The following EVL variants were observed in gnomAD, a reference collection of about 807,000 sequenced individuals.
The protein encoded by EVL is Enah/Vasp-like.
EVL carries 21 observed loss-of-function variants against 59.6 expected under a neutral mutation model. That is an observed-to-expected ratio of 0.35 (90% CI 0.25 to 0.51). The LOEUF is 0.51. Ranked by LOEUF, EVL falls within the 20% of genes least tolerant of loss-of-function variation. EVL has a pLI of 0.97. For synonymous variants in EVL, 198 were observed against 203.5 expected, an observed-to-expected ratio of 0.97 and a Z score of 0.23; for missense variants, 462 against 546.6, an observed-to-expected ratio of 0.85 and a Z score of 1.54.
chr14:100,033,995 G>A (rs2061351160), intron 1 of EVL, among the ~76,000 whole-genome samples: 1 of 152,210 alleles, frequency 6.6e-6, no homozygotes, highest in Admixed American at 6.5e-5. Flanking sequence ...GGAGGCCGAG[G>A]TGGGCGGATC....
chr14:99,976,372 A>G (rs2060770308), intron 1 of EVL, among the ~76,000 whole-genome samples: 1 of 151,950 alleles, frequency 6.6e-6, no homozygotes, highest in Admixed American at 6.6e-5. Context: ...TTTCTGTTTT[A>G]TACTTCCAAG....
chr14:100,071,515 A>G (rs1401084309), intron 1 of EVL, among the ~76,000 whole-genome samples: 2 of 152,220 alleles, frequency 1.3e-5, no homozygotes, highest in Non-Finnish European at 2.9e-5. Context: ...GTCTGCTTGT[A>G]TATTCTTGTG....
At chr14:100,129,743 C>G in intron 7 of EVL, 59 bp downstream of exon 7, 2 of 1,475,724 alleles carry the variant, frequency 1.4e-6, no homozygotes, top group South Asian at 2.8e-5. Flanking sequence ...TGCCCCCGCC[C>G]CCAGCGCTGC....
chr14:100,023,091 C>T (rs2061153247), intron 1 of EVL, among the ~76,000 whole-genome samples: 1 of 152,060 alleles, frequency 6.6e-6, no homozygotes, highest in Non-Finnish European at 1.5e-5. Flanking sequence ...TTACAGCTGC[C>T]TAGGGGATTT....
intron 3 of EVL, 185 bp downstream of exon 3, chr14:100,097,843 G>T (rs918735423): frequency 5.7e-6 from 3 of 529,708 alleles, no homozygotes; most frequent in Non-Finnish European, 9.8e-6. Context: ...GAGGAGGAAA[G>T]AATGGAGTTT....
At chr14:100,040,130 G>T (rs1325184374) in intron 1 of EVL, among the ~76,000 whole-genome samples, 1 of 152,182 alleles carries the variant, frequency 6.6e-6, no homozygotes, top group Non-Finnish European at 1.5e-5. Context: ...TTTGCTTGTG[G>T]CACTTGGACA....
At chr14:99,978,907 C>G (rs1007332835) in intron 1 of EVL, among the ~76,000 whole-genome samples, 1 of 152,198 alleles carries the variant, frequency 6.6e-6, no homozygotes, top group Non-Finnish European at 1.5e-5. Flanking sequence ...GAGCTAAACA[C>G]TCGAGGCACA....
At chr14:100,028,155 G>A (rs1192744423) in intron 1 of EVL, among the ~76,000 whole-genome samples, 1 of 109,426 alleles carries the variant, frequency 9.1e-6, no homozygotes, top group Non-Finnish European at 1.9e-5. Flanking sequence ...TTTTTTTGAG[G>A]AACCTCCAAA....
At chr14:100,067,484 G>A (rs962132307) in intron 1 of EVL, among the ~76,000 whole-genome samples, 3 of 152,238 alleles carry the variant, frequency 2.0e-5, no homozygotes, top group Admixed American at 6.5e-5. Context: ...GTTGTGGGGC[G>A]TTTTTGTTTT....
At chr14:100,103,968 G>A (rs1025221552) in intron 3 of EVL, among the ~76,000 whole-genome samples, 4 of 152,240 alleles carry the variant, frequency 2.6e-5, no homozygotes, top group South Asian at 2.1e-4. Context: ...GCGTGTGAGC[G>A]TGTGTGTGTG....
rs553359990 is a variant in EVL, at chr14:100,009,843, A to G, written c.5+37786A>G. Among the ~76,000 whole-genome samples, 32 of 152,340 alleles carry G rather than the reference A, an allele frequency of 2.1e-4. No homozygotes were observed. The Middle Eastern group carries it at 0.014, about 65-fold the overall frequency. On this transcript the variant is annotated intron_variant, in intron 1 of 13. Coordinates refer to the EVL transcript ENST00000402714. ...TTGGTTTGATTCAGAAGGCAGGACA[A>G]CTCAAAGCAGGGGCTTCCAGGCTGT...
chr14:100,051,092 G>A (rs1219715796), intron 1 of EVL, among the ~76,000 whole-genome samples: 2 of 152,022 alleles, frequency 1.3e-5, no homozygotes, highest in Admixed American at 6.5e-5. Context: ...CCTAATCCAC[G>A]GTTTTGCTTT....
chr14:100,079,555 G>A (rs570894616), intron 1 of EVL, among the ~76,000 whole-genome samples: 1 of 152,308 alleles, frequency 6.6e-6, no homozygotes, highest in South Asian at 2.1e-4. Context: ...GCAGGAGCCA[G>A]CCTCTCTCTG....
chr14:100,095,970 C>T (rs1418469438), intron 2 of EVL, among the ~76,000 whole-genome samples: 3 of 152,184 alleles, frequency 2.0e-5, no homozygotes, highest in Non-Finnish European at 2.9e-5. Flanking sequence ...TCAGGTGATC[C>T]GCCCACCTTG....
chr14:100,131,243 G>GAGGGGAAGCACCTTTCTGTCTGAGAAC (rs1888417994), intron 7 of EVL, among the ~76,000 whole-genome samples: 2 of 152,222 alleles, frequency 1.3e-5, no homozygotes, highest in African/African-American at 4.8e-5. Flanking sequence ...AGACCAAGCT[G>GAGGGGAAGCACCTTTCTGTCTGAGAAC]AGGGGAAGCA....
chr14:99,971,622 CGCGCGCCT>C (rs2060732401), exon 1 of EVL: 1 of 151,222 alleles, frequency 6.6e-6, no homozygotes, highest in Non-Finnish European at 1.5e-5. Context: ...CCCGCGCGCC[CGCGCGCCT>C]CTCCCTCGAG....
At chr14:100,105,832 C>T (rs1277252494) in intron 3 of EVL, among the ~76,000 whole-genome samples, 2 of 152,100 alleles carry the variant, frequency 1.3e-5, no homozygotes, top group African/African-American at 4.8e-5. Flanking sequence ...GCAGCAGCCG[C>T]TTGGCCACAT....
chr14:100,061,567 T>A (rs962301645), upstream of EVL, among the ~76,000 whole-genome samples: 1 of 151,590 alleles, frequency 6.6e-6, no homozygotes, highest in African/African-American at 2.4e-5. Flanking sequence ...CTTTTATTTC[T>A]TCAATACACG....
At chr14:100,036,509 T>C (rs754062584) in intron 1 of EVL, among the ~76,000 whole-genome samples, 3 of 152,146 alleles carry the variant, frequency 2.0e-5, no homozygotes, top group Non-Finnish European at 4.4e-5. Context: ...GCCTTGACCA[T>C]GTGCACTCAG....
Sources: allele counts gnomAD v4.1 joint callset (sites outside exome capture counted in the v4.1 genomes callset), GRCh38; gene constraint gnomAD v4.1.1; transcripts MANE v1.5; gene names NCBI Gene and HGNC (gene_info 2026-07-23, HGNC 2026-07-21).